Variants in CAMTA1 observed in about 807,000 individuals in gnomAD.
The protein encoded by CAMTA1 is calmodulin binding transcription activator 1, also known as calmodulin-binding transcription activator 1.
CAMTA1 carries 27 observed loss-of-function variants against 170.9 expected under a neutral mutation model. The observed-to-expected ratio is 0.16, with a 90% confidence interval of 0.12 to 0.22. The LOEUF (loss-of-function observed/expected upper bound fraction) is 0.22, where lower values mean the gene tolerates loss of function less well. Ranked by LOEUF, CAMTA1 falls within the 10% of genes least tolerant of loss-of-function variation. The pLI is 1.00. For missense variants in CAMTA1, 1,619 were observed against 2,217.2 expected, an observed-to-expected ratio of 0.73 and a Z score of 5.42; for synonymous variants, 833 against 891.5, an observed-to-expected ratio of 0.93 and a Z score of 1.17.
At chr1:7,229,742 TGAA>T in intron 4 of CAMTA1, among the ~76,000 whole-genome samples, 1 of 152,174 alleles carries the variant, frequency 6.6e-6, no homozygotes, top group Non-Finnish European at 1.5e-5. Context: ...GCGTCCTTCA[TGAA>T]GAACTCAATT....
chr1:7,085,755 C>T (rs898082718), intron 3 of CAMTA1, among the ~76,000 whole-genome samples: 7 of 152,258 alleles, frequency 4.6e-5, no homozygotes, highest in African/African-American at 1.7e-4. Context: ...TGCCGTGACC[C>T]TCCAGCCCTG....
At chr1:7,688,606 A>G (rs573895327) in intron 11 of CAMTA1, among the ~76,000 whole-genome samples, 1 of 152,284 alleles carries the variant, frequency 6.6e-6, no homozygotes, top group African/African-American at 2.4e-5. Flanking sequence ...GTTGGGGGCT[A>G]GGGCAGCCTC....
intron 3 of CAMTA1, among the ~76,000 whole-genome samples, chr1:6,981,435 TTTTA>T (rs1320410861): frequency 6.6e-6 from 1 of 152,170 alleles, no homozygotes; most frequent in Non-Finnish European, 1.5e-5. Context: ...CTCATTATTA[TTTTA>T]TTTATTTTTT....
intron 1 of CAMTA1, among the ~76,000 whole-genome samples, chr1:6,799,591 T>C (rs1295175845): frequency 1.3e-5 from 2 of 152,230 alleles, no homozygotes; most frequent in Non-Finnish European, 2.9e-5. Context: ...TCAGCTCTTA[T>C]GTAATGAGAT....
At chr1:7,590,743 C>T (rs1039414353) in intron 6 of CAMTA1, among the ~76,000 whole-genome samples, 11 of 152,184 alleles carry the variant, frequency 7.2e-5, no homozygotes, top group Admixed American at 3.9e-4. Context: ...CACCTTTGCC[C>T]ACCCTCAGAG....
chr1:7,171,808 T>C (rs1365374504), intron 4 of CAMTA1, among the ~76,000 whole-genome samples: 1 of 152,166 alleles, frequency 6.6e-6, no homozygotes, highest in Non-Finnish European at 1.5e-5. Flanking sequence ...CTCAGCTGCC[T>C]TCTGTCTCCA....
intron 5 of CAMTA1, among the ~76,000 whole-genome samples, chr1:7,310,402 T>G (rs1676276509): frequency 6.6e-6 from 1 of 152,198 alleles, no homozygotes; most frequent in South Asian, 2.1e-4. Flanking sequence ...ACTACCTAAC[T>G]GTGCCATTGT....
intron 4 of CAMTA1, among the ~76,000 whole-genome samples, chr1:7,102,328 GT>G (rs1442275660): frequency 6.6e-6 from 1 of 152,130 alleles, no homozygotes; most frequent in Non-Finnish European, 1.5e-5. Context: ...GGAGGGGAGG[GT>G]CCTGCTCTGC....
chr1:7,687,335 A>G (rs1343405635), intron 11 of CAMTA1, among the ~76,000 whole-genome samples: 1 of 152,026 alleles, frequency 6.6e-6, no homozygotes, highest in East Asian at 1.9e-4. Flanking sequence ...GGACGTGGTC[A>G]GGCAGGTCAG....
chr1:7,410,894 CGTCT>C (rs142924606), intron 5 of CAMTA1, among the ~76,000 whole-genome samples: 23,155 of 91,930 alleles, frequency 0.25, 2,539 homozygotes, highest in East Asian at 0.58. Context: ...GGAGGGTGGG[CGTCT>C]GTGTGTGTGT....
intron 3 of CAMTA1, among the ~76,000 whole-genome samples, chr1:7,071,574 C>T (rs550112322): frequency 6.6e-6 from 1 of 152,210 alleles, no homozygotes; most frequent in East Asian, 1.9e-4. Context: ...ATGAATATTG[C>T]TCCTTCATTA....
intron 5 of CAMTA1, among the ~76,000 whole-genome samples, chr1:7,284,500 G>C (rs6699198): frequency 0.012 from 1,796 of 152,212 alleles, 22 homozygotes; most frequent in African/African-American, 0.029. Context: ...CCACGTCCAG[G>C]CTTGCTGCTT....
chr1:7,255,028 G>A (rs1667156682), intron 5 of CAMTA1, among the ~76,000 whole-genome samples: 1 of 152,182 alleles, frequency 6.6e-6, no homozygotes, highest in African/African-American at 2.4e-5. Flanking sequence ...AAAATCATGT[G>A]TCTCACGAAC....
chr1:7,301,169 C>T (rs192732897), intron 5 of CAMTA1, among the ~76,000 whole-genome samples: 72 of 152,256 alleles, frequency 4.7e-4, no homozygotes, highest in African/African-American at 1.4e-3. Flanking sequence ...CCTAGTCACC[C>T]GGCAGTAATT....
chr1:7,534,667 T>C lies in CAMTA1; in HGVS notation c.510+66766T>C, dbSNP rs916826757. 6.6e-6 allele frequency among the ~76,000 whole-genome samples: 1 copy of C among 152,070 alleles called. No homozygotes were observed. The highest frequency in any genetic ancestry group is 1.5e-5 in the Non-Finnish European group (1 of 68,016). On this transcript the variant is annotated intron_variant, in intron 6 of 22. Coordinates refer to ENST00000303635, the MANE Select transcript of CAMTA1 (RefSeq NM_015215.4). The surrounding 1 kb of genome is among the most constrained non-coding windows in gnomAD (Gnocchi z 5.6). ...TGTCCAGGGTCACAGCAGTGGACGT[T>C]CGGGCCGAGGGGAGCTGAGGCCACG...
chr1:7,188,493 C>T (rs1653898191), intron 4 of CAMTA1, among the ~76,000 whole-genome samples: 1 of 152,190 alleles, frequency 6.6e-6, no homozygotes, highest in South Asian at 2.1e-4. Context: ...ACCCTGGTAA[C>T]TATTGTTACA....
In CAMTA1 at chr1:7,737,539, G is replaced by A. The variant is rs1359275056; in HGVS notation, c.3627G>A (p.Lys1209=). The A allele has an allele frequency of 1.9e-6, 3 of 1,612,518 alleles. No homozygotes were observed. Among genetic ancestry groups the A allele is most frequent in the Non-Finnish European group, 2.5e-6 (3 of 1,179,054 alleles). ...CCATCAGCTCTCCAGAAATACCCAAGGGAGTCACTGTTATTGCAAGCACCA... is the reference window on the plus strand; with the variant it reads ...CCATCAGCTCTCCAGAAATACCCAAAGGAGTCACTGTTATTGCAAGCACCA... ...SEAISSPEIP[K]GVTVIASTNP... is the part of the protein sequence containing the mutation. Residue 1209 remains lysine, a synonymous_variant, in exon 15 of 23, where the codon AAG becomes AAA. Coordinates refer to ENST00000303635, the MANE Select transcript of CAMTA1 (RefSeq NM_015215.4).
At chr1:7,668,780 G>A (rs1042678399) in intron 9 of CAMTA1, among the ~76,000 whole-genome samples, 2 of 152,120 alleles carry the variant, frequency 1.3e-5, no homozygotes, top group African/African-American at 2.4e-5. Flanking sequence ...CTTTGTTCCC[G>A]GCAGCAGCCC....
rs1419000536 is a variant in CAMTA1 at position 7,300,089 on chromosome 1, G to GT, written c.438+50464dup. Among the ~76,000 whole-genome samples, 3 of 152,110 alleles carry GT rather than the reference G, an allele frequency of 2.0e-5. No homozygotes were observed. Among genetic ancestry groups the GT allele is most frequent in the Non-Finnish European group, 4.4e-5 (3 of 68,024 alleles). ...TTTATTTTAGAATCAAGCAGCTTCT[G>GT]TATAATTTGAATTTGAGATAGCATT... is the stretch of plus-strand genomic sequence containing the variant. On this transcript the variant is annotated intron_variant, in intron 5 of 22. Coordinates refer to ENST00000303635, the MANE Select transcript of CAMTA1 (RefSeq NM_015215.4). The surrounding 1 kb of genome is among the most constrained non-coding windows in gnomAD (Gnocchi z 4.1).
Sources: gnomAD v4.1 joint callset for allele counts (sites outside exome capture counted in the v4.1 genomes callset) on GRCh38, gnomAD v4.1.1 for gene constraint, Gnocchi (gnomAD v3.1) non-coding constraint, MANE v1.5 for transcripts, NCBI Gene and HGNC (gene_info 2026-07-23, HGNC 2026-07-21) for gene names.